Variants in HMGN5 observed in about 807,000 individuals in gnomAD.
The protein encoded by HMGN5 is high mobility group nucleosome-binding domain-containing protein 5.
In HMGN5, 4 loss-of-function variants were observed where a neutral mutation model predicts 9.5. That is an observed-to-expected ratio of 0.42 (90% CI 0.21 to 0.96). The LOEUF (loss-of-function observed/expected upper bound fraction) is 0.96. Among genes scored for constraint, HMGN5 ranks in the 40% least tolerant of loss-of-function variants. The pLI is 0.30. For synonymous variants in HMGN5, 55 were observed against 57.1 expected (o/e 0.96, Z 0.16); for missense variants, 192 against 187.5 (o/e 1.02, Z -0.14).
At chrX:81,127,649 G>A (rs901922887) in intron 1 of HMGN5, among the ~76,000 whole-genome samples, 10 of 110,243 alleles carry the variant, frequency 9.1e-5, no homozygotes, top group East Asian at 5.6e-4. Flanking sequence ...TATAACCTAC[G>A]AATTGTTTCG....
intron 1 of HMGN5, among the ~76,000 whole-genome samples, chrX:81,132,710 A>G (rs2075300946): frequency 9.0e-6 from 1 of 111,700 alleles, no homozygotes; most frequent in Non-Finnish European, 1.9e-5. Context: ...ATGGATAAAG[A>G]CTTAAATGTA....
chrX:81,183,921 A>G (rs1405407277), intron 1 of HMGN5, among the ~76,000 whole-genome samples: 1 of 112,052 alleles, frequency 8.9e-6, no homozygotes, highest in Non-Finnish European at 1.9e-5. Context: ...TTTTTATTTT[A>G]CAGGCTCTTA....
intron 1 of HMGN5, among the ~76,000 whole-genome samples, chrX:81,148,152 CA>C (rs2075350569): frequency 9.0e-6 from 1 of 111,666 alleles, no homozygotes; most frequent in Non-Finnish European, 1.9e-5. Flanking sequence ...CATATGGAAC[CA>C]AAAAAGAACC....
intron 1 of HMGN5, among the ~76,000 whole-genome samples, chrX:81,188,026 C>A (rs1402597828): frequency 9.1e-6 from 1 of 110,024 alleles, no homozygotes; most frequent in African/African-American, 3.3e-5. Context: ...AACTTCATTC[C>A]TTTTTTTTAA....
intron 1 of HMGN5, among the ~76,000 whole-genome samples, chrX:81,166,191 C>A (rs942830309): frequency 9.0e-6 from 1 of 111,007 alleles, no homozygotes; most frequent in African/African-American, 3.3e-5. Context: ...AGCGACTGAT[C>A]TAGGAGAATT....
chrX:81,143,658 G>A (rs144896979), intron 1 of HMGN5, among the ~76,000 whole-genome samples: 1 of 112,338 alleles, frequency 8.9e-6, no homozygotes, highest in East Asian at 2.8e-4. Context: ...TGTGCTTTTC[G>A]CATGGTCTTC....
intron 1 of HMGN5, among the ~76,000 whole-genome samples, chrX:81,184,644 T>C (rs1024859469): frequency 5.9e-4 from 66 of 111,020 alleles, no homozygotes; most frequent in African/African-American, 2.1e-3. Context: ...ATATCATCTG[T>C]CAACTTTTGC....
chrX:81,179,307 C>T (rs1176660054), intron 1 of HMGN5, among the ~76,000 whole-genome samples: 1 of 111,641 alleles, frequency 9.0e-6, no homozygotes, highest in Non-Finnish European at 1.9e-5. Context: ...AAAACCCCAT[C>T]GTTTCAGCCC....
chrX:81,181,473 C>A (rs181258682), intron 1 of HMGN5, among the ~76,000 whole-genome samples: 5 of 111,175 alleles, frequency 4.5e-5, no homozygotes, highest in Admixed American at 2.9e-4. Context: ...TATACTCTTT[C>A]AGTTTTTGAA....
chrX:81,177,417 G>GTCTC (rs750976083), intron 1 of HMGN5, among the ~76,000 whole-genome samples: 1 of 82,634 alleles, frequency 1.2e-5, no homozygotes, highest in Admixed American at 1.5e-4. Context: ...TGCAATCCTA[G>GTCTC]TCTCTGTTAA....
At chrX:81,180,561 A>C (rs12115941) in intron 1 of HMGN5, among the ~76,000 whole-genome samples, 1,647 of 111,859 alleles carry the variant, frequency 0.015, 35 homozygotes, top group African/African-American at 0.051. Flanking sequence ...CGGATGCTGG[A>C]GAGGATATGG....
chrX:81,129,718 G>T (rs763989570), intron 1 of HMGN5, among the ~76,000 whole-genome samples: 53 of 111,370 alleles, frequency 4.8e-4, no homozygotes, highest in South Asian at 1.1e-3. Flanking sequence ...GAGTGAGTGG[G>T]GGATACAGCC....
chrX:81,185,370 G>T (rs1231258967), intron 1 of HMGN5, among the ~76,000 whole-genome samples: 2 of 110,528 alleles, frequency 1.8e-5, no homozygotes, highest in Non-Finnish European at 3.8e-5. Context: ...TATTTTATTT[G>T]TAGCTACTGC....
chrX:81,151,290 C>T (rs2075361494), intron 1 of HMGN5, among the ~76,000 whole-genome samples: 1 of 111,624 alleles, frequency 9.0e-6, no homozygotes, highest in Admixed American at 9.6e-5. Context: ...GGGCTCTGTT[C>T]TGTTCCATTG....
chrX:81,152,843 T>C (rs1668105171), intron 1 of HMGN5, among the ~76,000 whole-genome samples: 2 of 108,223 alleles, frequency 1.8e-5, no homozygotes, highest in African/African-American at 3.4e-5. Context: ...ATGTCCTTTG[T>C]AGGGACATGG....
chrX:81,151,990 A>C (rs2075364082), intron 1 of HMGN5, among the ~76,000 whole-genome samples: 1 of 111,971 alleles, frequency 8.9e-6, no homozygotes, highest in African/African-American at 3.3e-5. Context: ...TACAAAAATC[A>C]ATTCAAGATG....
chrX:81,191,864 T>C (rs1160940783), intron 1 of HMGN5, among the ~76,000 whole-genome samples: 1 of 111,967 alleles, frequency 8.9e-6, no homozygotes, highest in Non-Finnish European at 1.9e-5. Flanking sequence ...GGGTCCTTTT[T>C]CTAAGGCACA....
rs2075248073 is a variant in HMGN5 at position 81,114,805 on chromosome X, ATCT to A, written c.690_692del (p.Glu230del). ...CTTTTCCATCTTCTCTCTCTTTTTCATCTTCTTTGACTTTTACATCTTTCCCCT... is the reference window on the plus strand; with the variant it reads ...CTTTTCCATCTTCTCTCTCTTTTTCATCTTTGACTTTTACATCTTTCCCCT... On this transcript the variant is annotated inframe_deletion, in exon 7 of 7. Transcript: ENST00000358130. 25 of 1,130,768 alleles carry A rather than the reference ATCT, an allele frequency of 2.2e-5. No individual in the cohort carries two copies. In the East Asian group the frequency reaches 8.1e-4, roughly 37 times the overall value. 93.2% of individuals were successfully genotyped at this position (1,130,768 alleles called of 1,213,427 possible).
chrX:81,150,741 T>G (rs1470254529), intron 1 of HMGN5, among the ~76,000 whole-genome samples: 2 of 111,142 alleles, frequency 1.8e-5, no homozygotes, highest in African/African-American at 6.5e-5. Flanking sequence ...GCAGACTAAC[T>G]GAAAAAAAGA....
Sources: allele counts gnomAD v4.1 joint callset (sites outside exome capture counted in the v4.1 genomes callset), GRCh38; gene constraint gnomAD v4.1.1; transcripts MANE v1.5; gene names NCBI Gene and HGNC (gene_info 2026-07-23, HGNC 2026-07-21).